TOX: variants seen among roughly 807,000 people sequenced by gnomAD.
TOX encodes the protein thymocyte selection-associated high mobility group box protein TOX.
TOX carries 11 observed loss-of-function variants against 53.7 expected under a neutral mutation model. The observed-to-expected ratio is 0.20, with a 90% confidence interval of 0.13 to 0.34. The LOEUF is 0.34. TOX is among the 10% of genes least tolerant of loss of function. The pLI is 1.00. For synonymous variants in TOX, 225 were observed against 245.3 expected, an observed-to-expected ratio of 0.92 and a Z score of 0.77; for missense variants, 570 against 664.6, an observed-to-expected ratio of 0.86 and a Z score of 1.56.
chr8:59,116,531 T>C (rs890488286), intron 1 of TOX, among the ~76,000 whole-genome samples: 2 of 152,222 alleles, frequency 1.3e-5, no homozygotes, highest in African/African-American at 4.8e-5. Context: ...CTAATCATGG[T>C]GGAGTGAAAA....
At position 58,825,511 on chromosome 8, in the gene TOX, C is replaced by A. The variant is rs762379972; in HGVS notation, c.1005+1311G>T. Among the ~76,000 whole-genome samples the A allele has an allele frequency of 2.6e-5, 4 of 152,276 alleles. No individual in the cohort carries two copies. The South Asian group carries it at 6.2e-4, about 24-fold the overall frequency. ...CTTAGTCAGTATCACAGCATTCTGG[C>A]AATCTGCATATCATTAACTAGTGTG... On this transcript the variant is annotated intron_variant, in intron 6 of 8. Transcript: ENST00000361421.
At chr8:58,824,508 T>C (rs1287643410) in intron 6 of TOX, among the ~76,000 whole-genome samples, 1 of 151,612 alleles carries the variant, frequency 6.6e-6, no homozygotes, top group Non-Finnish European at 1.5e-5. Context: ...AAGGAAACAT[T>C]TTGCCACCCT....
chr8:58,933,078 C>T (rs1392326899), intron 3 of TOX, among the ~76,000 whole-genome samples: 1 of 152,020 alleles, frequency 6.6e-6, no homozygotes. Context: ...TTCTATAATG[C>T]GTCATTAGGA....
At chr8:59,080,021 C>T (rs1201804440) in intron 1 of TOX, among the ~76,000 whole-genome samples, 16 of 149,714 alleles carry the variant, frequency 1.1e-4, no homozygotes, top group Non-Finnish European at 1.8e-4. Flanking sequence ...CTCCCTCTGT[C>T]GCCCAGGCTG....
intron 1 of TOX, among the ~76,000 whole-genome samples, chr8:59,052,662 G>T (rs1396325891): frequency 6.6e-6 from 1 of 152,130 alleles, no homozygotes; most frequent in Non-Finnish European, 1.5e-5. Flanking sequence ...AGTTCACTGG[G>T]ACCGAACTCC....
At position 59,119,023 on chromosome 8, in the gene TOX, C is replaced by CT. The variant is rs1248570560; in HGVS notation, c.-37dup. On this transcript the variant is annotated 5_prime_UTR_variant, in exon 1 of 9. Transcript: ENST00000361421. ...CATCAAGCAACTCCTTTTCTTTTTC[C>CT]TTTTTTAAAAAAAAGTGTTCAGCAA... 2 of 1,479,732 alleles carry CT rather than the reference C, an allele frequency of 1.4e-6. No homozygotes were observed. Among genetic ancestry groups the CT allele is most frequent in the Non-Finnish European group, 1.9e-6 (2 of 1,068,326 alleles). The allele number at this position is 1,479,732 out of a possible 1,614,324, so 91.7% of individuals were successfully genotyped here.
At position 59,117,917 on chromosome 8, in the gene TOX, C is replaced by T. The variant is rs150686859; in HGVS notation, c.102+969G>A. ...GTGGGCAGTCGTGCCCCTGCGACCA[C>T]TCTGGGGGACCGGTCCCTGCGTGTC... On this transcript the variant is annotated intron_variant, in intron 1 of 8. Coordinates refer to ENST00000361421, the MANE Select transcript of TOX (RefSeq NM_014729.3). This position sits in a 1 kb window ranked among gnomAD's most constrained non-coding sequence, Gnocchi z 4.6. Among the ~76,000 whole-genome samples the T allele has an allele frequency of 3.8e-3, 575 of 152,356 alleles. 1 individual carries two copies. Among genetic ancestry groups the T allele is most frequent in the African/African-American group, 0.012 (512 of 41,590 alleles).
rs115878778 is a variant in TOX at position 58,871,959 on chromosome 8, C to T, written c.412-20154G>A. On this transcript the variant is annotated intron_variant, in intron 3 of 8. Coordinates refer to ENST00000361421, the MANE Select transcript of TOX (RefSeq NM_014729.3). Reference sequence around the variant, plus strand: ...CCCAGTAGCAATGAGCATACCTAGCCATCTTAGTTTCTGATACCATTCTCC... The same window carrying T: ...CCCAGTAGCAATGAGCATACCTAGCTATCTTAGTTTCTGATACCATTCTCC... Among the ~76,000 whole-genome samples, 933 of 152,198 alleles carry T rather than the reference C, an allele frequency of 6.1e-3. 13 individuals carry two copies. Among genetic ancestry groups the T allele is most frequent in the African/African-American group, 0.022 (901 of 41,528 alleles).
intron 8 of TOX, 93 bp downstream of exon 8, chr8:58,808,025 T>C: frequency 6.7e-7 from 1 of 1,499,854 alleles, no homozygotes; most frequent in African/African-American, 1.4e-5. Context: ...CTATCCCGGA[T>C]CATGTTTTTG....
intron 4 of TOX, among the ~76,000 whole-genome samples, chr8:58,838,987 A>G (rs1376804067): frequency 6.6e-6 from 1 of 152,142 alleles, no homozygotes; most frequent in African/African-American, 2.4e-5. Context: ...GGTGTTAGCC[A>G]CCGTGCCCAG....
chr8:59,110,771 A>G (rs1805002761), intron 1 of TOX, among the ~76,000 whole-genome samples: 1 of 151,888 alleles, frequency 6.6e-6, no homozygotes, highest in South Asian at 2.1e-4. Flanking sequence ...GAGGGAGATT[A>G]CACACTGTAC....
Position 58,865,849 on chromosome 8 carries a change from TCCTGAGACAGAG to T in TOX, c.412-14056_412-14045del, listed in dbSNP as rs1563373913. On this transcript the variant is annotated intron_variant, in intron 3 of 8. Coordinates refer to ENST00000361421, the MANE Select transcript of TOX (RefSeq NM_014729.3). ...TGGCTTTTTTTTTTTTTTTTTTTTG[TCCTGAGACAGAG>T]TCTCACTCTGTCGTCCAGGCTGGAG... Among the ~76,000 whole-genome samples, 201 of 70,518 alleles carry T rather than the reference TCCTGAGACAGAG, an allele frequency of 2.9e-3. 5 individuals carry two copies. The highest frequency in any genetic ancestry group is 6.8e-3 in the Middle Eastern group (1 of 148). 46.3% of individuals were successfully genotyped at this position (70,518 alleles called of 152,430 possible).
At chr8:58,840,786 G>A (rs1054924146) in intron 4 of TOX, among the ~76,000 whole-genome samples, 9 of 152,054 alleles carry the variant, frequency 5.9e-5, no homozygotes, top group African/African-American at 2.2e-4. Context: ...GTGCTTTCCT[G>A]TCGATTAGCT....
intron 1 of TOX, among the ~76,000 whole-genome samples, chr8:58,966,873 C>CTTTT (rs550882424): frequency 2.4e-5 from 3 of 123,712 alleles, no homozygotes; most frequent in Admixed American, 1.6e-4. Flanking sequence ...TCAAGTTATT[C>CTTTT]TTTTTTTTTT....
At chr8:59,112,989 T>C (rs1805043218) in intron 1 of TOX, among the ~76,000 whole-genome samples, 1 of 152,238 alleles carries the variant, frequency 6.6e-6, no homozygotes, top group African/African-American at 2.4e-5. Flanking sequence ...CTCAGAAATC[T>C]TGAGATTCAC....
At chr8:59,059,805 CTT>C (rs1803947172) in intron 1 of TOX, among the ~76,000 whole-genome samples, 1 of 151,920 alleles carries the variant, frequency 6.6e-6, no homozygotes, top group Non-Finnish European at 1.5e-5. Context: ...CAAAAGAACT[CTT>C]GTTATCGTGG....
rs116245494 is a variant in TOX, at chr8:58,950,311, G to A, written c.168+9632C>T. 3.3e-3 allele frequency among the ~76,000 whole-genome samples: 507 copies of A among 152,180 alleles called. 3 individuals carry two copies. The highest frequency in any genetic ancestry group is 0.011 in the African/African-American group (475 of 41,512). On this transcript the variant is annotated intron_variant, in intron 2 of 8. Coordinates refer to ENST00000361421, the MANE Select transcript of TOX (RefSeq NM_014729.3). ...CAATCATTTTTATTTTGTCTCTTGA[G>A]TAGAAATCAACAAATGCTGGGTGCA...
At chr8:58,998,527 A>G (rs7818460) in intron 1 of TOX, among the ~76,000 whole-genome samples, 1 of 40,224 alleles carries the variant, frequency 2.5e-5, no homozygotes, top group South Asian at 7.3e-4. Context: ...ATATATATAT[A>G]TATATATATA....
At chr8:59,031,386 A>C (rs1417524764) in intron 1 of TOX, among the ~76,000 whole-genome samples, 1 of 152,172 alleles carries the variant, frequency 6.6e-6, no homozygotes, top group African/African-American at 2.4e-5. Flanking sequence ...TCAACCATTT[A>C]TTGATTTTAT....
Sources: gnomAD v4.1 joint callset for allele counts (sites outside exome capture counted in the v4.1 genomes callset) on GRCh38, gnomAD v4.1.1 for gene constraint, Gnocchi (gnomAD v3.1) non-coding constraint, MANE v1.5 for transcripts, NCBI Gene and HGNC (gene_info 2026-07-23, HGNC 2026-07-21) for gene names.